POPDC2: variants seen among roughly 807,000 people sequenced by gnomAD.
The protein encoded by POPDC2 is popeye domain cAMP effector 2.
POPDC2 carries 24 observed loss-of-function variants against 30.5 expected under a neutral mutation model. The observed-to-expected ratio is 0.79, with a 90% CI of 0.57 to 1.11. The LOEUF (loss-of-function observed/expected upper bound fraction) is 1.11, where lower values mean the gene tolerates loss of function less well. Ranked by LOEUF, POPDC2 falls within the 50% of genes least tolerant of loss-of-function variation. POPDC2 has a pLI of 0.00. For synonymous variants in POPDC2, 185 were observed against 183.3 expected (o/e 1.01, Z -0.07); for missense variants, 409 against 447.0 (o/e 0.91, Z 0.77).
chr3:119,656,008 G>C (rs1444986133), intron 1 of POPDC2, among the ~76,000 whole-genome samples: 1 of 152,168 alleles, frequency 6.6e-6, no homozygotes, highest in Non-Finnish European at 1.5e-5. Context: ...CCTTCCCTGG[G>C]AATTTGGAAA....
intron 3 of POPDC2, among the ~76,000 whole-genome samples, chr3:119,646,564 T>C (rs1442821879): frequency 2.0e-5 from 3 of 152,082 alleles, no homozygotes; most frequent in Non-Finnish European, 4.4e-5. Context: ...GCTTGAGCTT[T>C]TGGAGGTAGA....
rs1387145967 is a variant in POPDC2, at chr3:119,660,218, C to T, written c.206G>A (p.Trp69Ter). 1.9e-6 allele frequency: 3 copies of T among 1,614,084 alleles called. No homozygotes were observed. Among genetic ancestry groups the T allele is most frequent in the African/African-American group, 2.7e-5 (2 of 74,932 alleles). ...AGYLCCVLWG[W>*]FSACGLDIVL... ...AATGTCCAGGCCACAGGCACTGAACCAGCCCCACAGCACGCAGCACAGGTA... is the reference window on the plus strand; with the variant it reads ...AATGTCCAGGCCACAGGCACTGAACTAGCCCCACAGCACGCAGCACAGGTA... The change falls in exon 1 of 4, where the codon TGG becomes TAG. Residue 69 changes from tryptophan (W) to a stop codon, truncating the protein, a stop_gained. Transcript: ENST00000493094. LOFTEE classifies it high-confidence loss of function.
chr3:119,651,510 C>A (rs2052809203), intron 2 of POPDC2, among the ~76,000 whole-genome samples: 1 of 152,086 alleles, frequency 6.6e-6, no homozygotes. Flanking sequence ...TGATATATTT[C>A]AAATCCTTTT....
intron 1 of POPDC2, among the ~76,000 whole-genome samples, chr3:119,659,027 A>G (rs1241439320): frequency 6.6e-6 from 1 of 152,068 alleles, no homozygotes; most frequent in Admixed American, 6.5e-5. Flanking sequence ...GTGGGGCTCA[A>G]GAGCCACTAG....
chr3:119,656,345 CAGAAATCCGAA>C (rs924196103), intron 1 of POPDC2, among the ~76,000 whole-genome samples: 2 of 152,058 alleles, frequency 1.3e-5, no homozygotes, highest in Non-Finnish European at 2.9e-5. Flanking sequence ...TGGCTGCAGC[CAGAAATCCGAA>C]TTATTTGCTT....
At chr3:119,649,483 G>A (rs1242213538) in intron 2 of POPDC2, among the ~76,000 whole-genome samples, 2 of 152,162 alleles carry the variant, frequency 1.3e-5, no homozygotes, top group African/African-American at 4.8e-5. Context: ...TTAAAATAAT[G>A]ATAAGTGGTA....
chr3:119,653,827 T>A lies in POPDC2; in HGVS notation c.600+678A>T, dbSNP rs145785812. ...GTGCTCCAGGTACTTTCCTTTAGAG[T>A]CTGGGAACAGAGAGGGAAAAGCCTA... On this transcript the variant is annotated intron_variant, in intron 2 of 3. Coordinates refer to ENST00000493094, the MANE Select transcript of POPDC2 (RefSeq NM_001369919.2). 1.6e-3 allele frequency among the ~76,000 whole-genome samples: 247 copies of A among 152,178 alleles called. 1 individual carries two copies. Among genetic ancestry groups the A allele is most frequent in the African/African-American group, 5.8e-3 (239 of 41,522 alleles).
intron 3 of POPDC2, among the ~76,000 whole-genome samples, chr3:119,647,048 A>G (rs1039505128): frequency 2.0e-5 from 3 of 152,242 alleles, no homozygotes; most frequent in African/African-American, 7.2e-5. Flanking sequence ...TGTAAATTCC[A>G]TATCTACAAA....
chr3:119,642,566 G>A lies in POPDC2; in HGVS notation c.*44-5C>T, dbSNP rs1482843187. The A allele has an allele frequency of 1.9e-6, 3 of 1,598,876 alleles. No homozygotes were observed. Among genetic ancestry groups the A allele is most frequent in the South Asian group, 2.2e-5 (2 of 90,534 alleles). On this transcript the variant is annotated splice_polypyrimidine_tract_variant and splice_region_variant and intron_variant, in intron 3 of 3. Coordinates refer to ENST00000493094, the MANE Select transcript of POPDC2 (RefSeq NM_001369919.2). ...TCTGGAGAGGAATTCTAGAAGCTGTGGAAAGAAAAAGAGGGAGGATTTTAG... is the reference window on the plus strand; with the variant it reads ...TCTGGAGAGGAATTCTAGAAGCTGTAGAAAGAAAAAGAGGGAGGATTTTAG...
chr3:119,652,763 C>A (rs548426062), intron 2 of POPDC2, among the ~76,000 whole-genome samples: 1 of 152,272 alleles, frequency 6.6e-6, no homozygotes, highest in South Asian at 2.1e-4. Context: ...AGGGTAGGAA[C>A]ATGATGGAAG....
rs775670887 is a variant in POPDC2 at position 119,648,584 on chromosome 3, TG to T, written c.684del (p.Tyr228Ter). The T allele has an allele frequency of 2.5e-6, 4 of 1,613,860 alleles. No homozygotes were observed. The East Asian group carries it at 8.9e-5, about 36-fold the overall frequency. ...AGCAGAGCCGAGAAGAGGCAGGAGA[TG>T]TATCGCTCTTTGGTCAGAAGAAGAT... ...SLHLLLTKER[Y>X]ISCLFSALLG... is the part of the protein sequence containing the mutation. On this transcript the variant is annotated frameshift_variant, in exon 3 of 4. Transcript: ENST00000493094. LOFTEE classifies it high-confidence loss of function.
intron 2 of POPDC2, among the ~76,000 whole-genome samples, chr3:119,649,539 G>A (rs1273055049): frequency 1.3e-5 from 2 of 152,162 alleles, no homozygotes; most frequent in Non-Finnish European, 2.9e-5. Context: ...TGCAGGAAAA[G>A]GGTGCAGAAT....
Position 119,648,133 on chromosome 3 carries a change from C to T in POPDC2, c.*29G>A, listed in dbSNP as rs542313433. 2.1e-5 allele frequency: 31 copies of T among 1,475,636 alleles called. No homozygotes were observed. The highest frequency in any genetic ancestry group is 4.4e-5 in the Admixed American group (2 of 45,174). The allele number at this position is 1,475,636 out of a possible 1,614,324, so 91.4% of individuals were successfully genotyped here. Reference sequence around the variant, plus strand: ...TGAGTACTTACATAGGATCCTGAGCCGGTGGCTGTGCCCATGTTAGTTCTC... The same window carrying T: ...TGAGTACTTACATAGGATCCTGAGCTGGTGGCTGTGCCCATGTTAGTTCTC... On this transcript the variant is annotated 3_prime_UTR_variant, in exon 3 of 4. Transcript: ENST00000493094.
intron 1 of POPDC2, among the ~76,000 whole-genome samples, chr3:119,654,963 T>C (rs947894079): frequency 1.3e-5 from 2 of 152,212 alleles, no homozygotes; most frequent in African/African-American, 4.8e-5. Flanking sequence ...AGGTAGGAAC[T>C]GGATATTATT....
intron 2 of POPDC2, among the ~76,000 whole-genome samples, chr3:119,652,350 CA>C (rs2052821142): frequency 6.6e-6 from 1 of 152,158 alleles, no homozygotes; most frequent in Non-Finnish European, 1.5e-5. Flanking sequence ...TCTCAGTCAA[CA>C]AAGACTATGT....
intron 3 of POPDC2, 43 bp downstream of exon 3, chr3:119,648,076 G>A: frequency 2.2e-6 from 3 of 1,391,638 alleles, no homozygotes; most frequent in Non-Finnish European, 2.8e-6. Context: ...GTTAAGGCCA[G>A]CCATTGACAG....
At chr3:119,645,902 C>A (rs1434641071) in intron 3 of POPDC2, among the ~76,000 whole-genome samples, 1 of 152,164 alleles carries the variant, frequency 6.6e-6, no homozygotes, top group South Asian at 2.1e-4. Context: ...TGGTCCAACA[C>A]GCTCAAATGA....
intron 3 of POPDC2, among the ~76,000 whole-genome samples, chr3:119,645,613 A>T (rs1282866631): frequency 1.3e-5 from 2 of 152,146 alleles, no homozygotes; most frequent in Non-Finnish European, 2.9e-5. Flanking sequence ...AAGGAAAAAA[A>T]AATCTGCACT....
chr3:119,644,264 ACAGC>A, intron 3 of POPDC2, among the ~76,000 whole-genome samples: 1 of 152,224 alleles, frequency 6.6e-6, no homozygotes, highest in Non-Finnish European at 1.5e-5. Context: ...CAAATGTCAG[ACAGC>A]TTTCAATTTA....
Sources: gnomAD v4.1 joint callset for allele counts (sites outside exome capture counted in the v4.1 genomes callset) on GRCh38, gnomAD v4.1.1 for gene constraint, MANE v1.5 for transcripts, NCBI Gene and HGNC (gene_info 2026-07-23, HGNC 2026-07-21) for gene names.